The following MED16 variants were observed in gnomAD, a reference collection of about 807,000 sequenced individuals.
MED16 encodes mediator of RNA polymerase II transcription subunit 16.
Under a neutral mutation model 84.4 loss-of-function variants are expected in MED16, and 81 were observed. The ratio of observed to expected loss-of-function variants is 0.96; its 90% CI spans 0.80 to 1.15. The LOEUF (loss-of-function observed/expected upper bound fraction) is 1.15. Ranked by LOEUF, MED16 falls within the 50% of genes most tolerant of loss-of-function variation. The pLI, the probability that MED16 is intolerant of heterozygous loss-of-function variation, is 0.00. For synonymous variants in MED16, 897 were observed against 552.2 expected, an observed-to-expected ratio of 1.62 and a Z score of -8.76; for missense variants, 1,585 against 1,245.9, an observed-to-expected ratio of 1.27 and a Z score of -4.10.
intron 9 of MED16, 140 bp from the exon 10 acceptor site, chr19:875,594 A>T (rs1486208308): frequency 1.6e-6 from 1 of 642,968 alleles, no homozygotes; most frequent in East Asian, 2.8e-5. Flanking sequence ...GCACCTCAGC[A>T]ACCTCATGGC....
intron 7 of MED16, among the ~76,000 whole-genome samples, chr19:880,772 T>G (rs551527022): frequency 6.6e-6 from 1 of 151,432 alleles, no homozygotes; most frequent in Non-Finnish European, 1.5e-5. Context: ...ATACAAAAAA[T>G]TAGCCGGGCG....
At chr19:871,535 G>C in intron 12 of MED16, 1 of 1,575,688 alleles carries the variant, frequency 6.3e-7, no homozygotes, top group Middle Eastern at 1.7e-4. Context: ...CAGACACTGG[G>C]ATGTAAGAAT....
intron 1 of MED16, among the ~76,000 whole-genome samples, chr19:891,523 GCTCT>G (rs1165207915): frequency 9.9e-5 from 15 of 152,200 alleles, no homozygotes; most frequent in African/African-American, 3.6e-4. Flanking sequence ...GTGGACACTA[GCTCT>G]CTCCCGAAGG....
In MED16 at chr19:876,893, C is replaced by CA. The variant is rs1235280750; in HGVS notation, c.1560+80_1560+81insT. ...CCTGCCACGGGGCCCCCACCTGCCA[C>CA]GGGGCCCCACCTGCCACGGGGCCCC... is the stretch of plus-strand genomic sequence containing the variant. On this transcript the variant is annotated intron_variant, in intron 9 of 15. Coordinates refer to ENST00000325464, the MANE Select transcript of MED16 (RefSeq NM_005481.3). 44 of 1,357,996 alleles carry CA rather than the reference C, an allele frequency of 3.2e-5. 2 individuals carry two copies. The Admixed American group carries it at 3.9e-4, about 12-fold the overall frequency. The allele number at this position is 1,357,996 out of a possible 1,614,324, so 84.1% of individuals were successfully genotyped here. A position where few individuals can be genotyped will look rare whatever the true frequency, so the allele number is the denominator to read the frequency against.
intron 14 of MED16, 96 bp from the exon 15 acceptor site, chr19:868,595 G>T (rs145005716): frequency 1.3e-6 from 2 of 1,500,514 alleles, no homozygotes; most frequent in African/African-American, 2.8e-5. Flanking sequence ...CCCTCTGCTC[G>T]CCGTCCCTCA....
intron 11 of MED16, among the ~76,000 whole-genome samples, chr19:872,683 T>A (rs2036110296): frequency 6.6e-6 from 1 of 150,428 alleles, no homozygotes; most frequent in Non-Finnish European, 1.5e-5. Context: ...GGAGCCCTGG[T>A]CAGGGGCGCA....
At chr19:874,805 G>C (rs1000990062) in intron 10 of MED16, among the ~76,000 whole-genome samples, 2 of 151,998 alleles carry the variant, frequency 1.3e-5, no homozygotes, top group African/African-American at 2.4e-5. Flanking sequence ...AGAAGGCAGA[G>C]GCTGCGCTGA....
Position 890,209 on chromosome 19 carries a change from G to C in MED16, c.205C>G (p.His69Asp), listed in dbSNP as rs1355389193. 7.7e-6 allele frequency: 12 copies of C among 1,554,366 alleles called. No individual in the cohort carries two copies. Among genetic ancestry groups the C allele is most frequent in the Admixed American group, 2.0e-5 (1 of 51,264 alleles). ...TRMIHILDTE[H>D]PWDLHSIPSE... ...GGGATCGAGTGCAGGTCCCAGGGGT[G>C]CTCCGTGTCCAGGATGTGGATCATG... Residue 69 changes from histidine to aspartate, a missense_variant, in exon 3 of 16, where the codon CAC becomes GAC. Coordinates refer to ENST00000325464, the MANE Select transcript of MED16 (RefSeq NM_005481.3).
intron 6 of MED16, among the ~76,000 whole-genome samples, chr19:884,462 G>A (rs1487291419): frequency 6.6e-6 from 1 of 152,104 alleles, no homozygotes; most frequent in Non-Finnish European, 1.5e-5. Flanking sequence ...CAGCTGACCC[G>A]CTGAGCCTTG....
At chr19:887,927 GCA>G (rs1436529155) in intron 4 of MED16, among the ~76,000 whole-genome samples, 1 of 151,632 alleles carries the variant, frequency 6.6e-6, no homozygotes, top group African/African-American at 2.4e-5. Context: ...CTGAAGCTGG[GCA>G]CAGTGACTCA....
chr19:872,301 C>T (rs535314415), intron 11 of MED16, among the ~76,000 whole-genome samples, 183 bp from the exon 12 acceptor site: 2 of 152,108 alleles, frequency 1.3e-5, no homozygotes, highest in South Asian at 4.1e-4. Context: ...CTGCTCAGAG[C>T]CCTGCAGGGC....
At chr19:871,312 CG>C (rs1301300036) in intron 12 of MED16, 59 bp from the exon 13 acceptor site, 1 of 1,476,950 alleles carries the variant, frequency 6.8e-7, no homozygotes, top group Non-Finnish European at 9.1e-7. Context: ...CCCGGCCACC[CG>C]GGACGTGCTG....
chr19:890,114 G>T, intron 3 of MED16, 23 bp downstream of exon 3: 1 of 1,525,778 alleles, frequency 6.6e-7, no homozygotes. Context: ...GCCACCCCTG[G>T]CCACGTGGGA....
At chr19:876,071 G>A (rs1442264753) in intron 9 of MED16, among the ~76,000 whole-genome samples, 1 of 152,220 alleles carries the variant, frequency 6.6e-6, no homozygotes. Context: ...AGCCACGCTG[G>A]GGTTTAGCCT....
Position 885,762 on chromosome 19 carries a change from C to T in MED16, c.879+8G>A. 1 of 1,603,588 alleles carries T rather than the reference C, an allele frequency of 6.2e-7. No homozygotes were observed. Among genetic ancestry groups the T allele is most frequent in the Non-Finnish European group, 8.5e-7 (1 of 1,178,188 alleles). On this transcript the variant is annotated splice_region_variant and intron_variant, in intron 5 of 15. Transcript: ENST00000325464. The stretch of plus-strand genomic sequence containing the variant: ...TGCCAGCCCACGTGATGGCCTGCGC[C>T]CGTTCACCTGCTCCGACATGTCCCG...
Position 881,672 on chromosome 19 carries a change from G to A in MED16, c.1028C>T (p.Ser343Leu), listed in dbSNP as rs763497108. ...QPTILKWRIL[S>L]ATNDLDRVSA... ...CACACGGTCCAGATCGTTGGTGGCC[G>A]ATAGGATCCGCCATTTGAGAATTGT... is the stretch of plus-strand genomic sequence containing the variant. The change falls in exon 7 of 16, where the codon TCG (serine) becomes TTG (leucine). Residue 343 changes from serine (S) to leucine (L), a missense_variant. Ser to Leu is a moderately radical substitution (Grantham distance 145). Coordinates refer to ENST00000325464, the MANE Select transcript of MED16 (RefSeq NM_005481.3). 17 of 1,612,320 alleles carry A rather than the reference G, an allele frequency of 1.1e-5. No homozygotes were observed. Among genetic ancestry groups the A allele is most frequent in the South Asian group, 7.7e-5 (7 of 91,080 alleles).
chr19:869,091 G>C, intron 13 of MED16, 145 bp from the exon 14 acceptor site: 1 of 713,236 alleles, frequency 1.4e-6, no homozygotes, highest in Non-Finnish European at 2.2e-6. Context: ...TGAACAGTGA[G>C]GTGGGAGGTG....
At chr19:881,852 A>G (rs1450099234) in intron 6 of MED16, 138 bp from the exon 7 acceptor site, 1 of 1,062,388 alleles carries the variant, frequency 9.4e-7, no homozygotes, top group Non-Finnish European at 1.3e-6. Flanking sequence ...TCCCATGCCC[A>G]GAAGACCAGG....
intron 1 of MED16, 84 bp from the exon 2 acceptor site, chr19:891,233 A>G (rs2036625513): frequency 7.5e-7 from 1 of 1,341,550 alleles, no homozygotes; most frequent in Non-Finnish European, 1.0e-6. Context: ...TGGGAAAACA[A>G]TGGAGGCCCG....
Sources: gnomAD v4.1 joint callset for allele counts (sites outside exome capture counted in the v4.1 genomes callset) on GRCh38, gnomAD v4.1.1 for gene constraint, MANE v1.5 for transcripts, NCBI Gene and HGNC (gene_info 2026-07-23, HGNC 2026-07-21) for gene names.